The following PCDH7 variants were observed in gnomAD, a reference collection of about 807,000 sequenced individuals.
PCDH7 encodes protocadherin 7.
A neutral mutation model predicts 58.9 loss-of-function variants in PCDH7; 17 were observed. The observed-to-expected ratio is 0.29, with a 90% confidence interval of 0.20 to 0.43. The LOEUF (loss-of-function observed/expected upper bound fraction) is 0.43, where lower values mean the gene tolerates loss of function less well. Ranked by LOEUF, PCDH7 falls within the 20% of genes least tolerant of loss-of-function variation. The pLI is 1.00. For missense variants in PCDH7, 1,274 were observed against 1,441.0 expected (o/e 0.88, Z 1.88); for synonymous variants, 664 against 616.4 (o/e 1.08, Z -1.14).
At chr4:30,988,387 TTAGTTA>T (rs1220841610) in intron 3 of PCDH7, among the ~76,000 whole-genome samples, 4 of 152,210 alleles carry the variant, frequency 2.6e-5, no homozygotes, top group Non-Finnish European at 4.4e-5. Context: ...CTACATACTC[TTAGTTA>T]TAAACAGTTG....
chr4:30,867,302 A>C (rs73214917), intron 1 of PCDH7, among the ~76,000 whole-genome samples: 13,362 of 152,164 alleles, frequency 0.088, 745 homozygotes, highest in Non-Finnish European at 0.12. Flanking sequence ...GGTCCGTCTT[A>C]GTATTTCCCA....
At chr4:30,856,147 T>A (rs1402406504) in intron 1 of PCDH7, among the ~76,000 whole-genome samples, 3 of 151,916 alleles carry the variant, frequency 2.0e-5, no homozygotes, top group Non-Finnish European at 4.4e-5. Flanking sequence ...ATTTAGTTCA[T>A]CTGAGAGGAT....
At chr4:31,056,430 A>AGG (rs1560608355) in intron 3 of PCDH7, among the ~76,000 whole-genome samples, 4 of 98,776 alleles carry the variant, frequency 4.0e-5, no homozygotes, top group African/African-American at 1.7e-4. Flanking sequence ...GAAGGAAAGA[A>AGG]AAAGAAAGAA....
chr4:30,769,428 A>G (rs575223738), intron 1 of PCDH7, among the ~76,000 whole-genome samples: 3 of 152,304 alleles, frequency 2.0e-5, no homozygotes, highest in East Asian at 1.9e-4. Flanking sequence ...CTTGCCTGGC[A>G]TGCATATATT....
chr4:31,052,698 TG>T (rs1248439451), intron 3 of PCDH7, among the ~76,000 whole-genome samples: 6 of 152,160 alleles, frequency 3.9e-5, no homozygotes. Flanking sequence ...AAAGGAGCTT[TG>T]TTTCTGACAC....
intron 1 of PCDH7, among the ~76,000 whole-genome samples, chr4:30,829,065 A>G (rs796983583): frequency 9.4e-4 from 143 of 152,138 alleles, no homozygotes; most frequent in African/African-American, 3.2e-3. Context: ...ATACATGTGC[A>G]GATACACATG....
At chr4:30,776,962 A>G (rs1458485678) in intron 1 of PCDH7, among the ~76,000 whole-genome samples, 2 of 152,210 alleles carry the variant, frequency 1.3e-5, no homozygotes, top group African/African-American at 4.8e-5. Context: ...TAAAAATCCC[A>G]GTAATATTCC....
At chr4:30,910,859 G>T (rs573262436) in intron 1 of PCDH7, among the ~76,000 whole-genome samples, 1 of 152,056 alleles carries the variant, frequency 6.6e-6, no homozygotes, top group Non-Finnish European at 1.5e-5. Context: ...ACATGCACAC[G>T]TATGTTTACT....
intron 1 of PCDH7, among the ~76,000 whole-genome samples, chr4:30,899,249 T>C (rs939027483): frequency 1.3e-5 from 2 of 152,184 alleles, no homozygotes; most frequent in South Asian, 4.1e-4. Flanking sequence ...CCTGCTCACA[T>C]TGAATATACC....
intron 1 of PCDH7, among the ~76,000 whole-genome samples, chr4:30,742,129 A>G (rs1717162147): frequency 1.3e-5 from 2 of 152,300 alleles, no homozygotes; most frequent in Admixed American, 1.3e-4. Flanking sequence ...ATAAAATTGT[A>G]TGTTTATCAG....
intron 3 of PCDH7, among the ~76,000 whole-genome samples, chr4:31,085,793 A>C (rs1226458648): frequency 6.6e-6 from 1 of 152,082 alleles, no homozygotes; most frequent in Non-Finnish European, 1.5e-5. Context: ...TTCATTATAA[A>C]GTCAAAAATA....
At chr4:31,120,453 T>TTTTTTTTTTTTTTTTTTTTTTTTTTTTC in intron 3 of PCDH7, among the ~76,000 whole-genome samples, 1 of 150,404 alleles carries the variant, frequency 6.6e-6, no homozygotes, top group Non-Finnish European at 1.5e-5. Context: ...TTTTTTTTTT[T>TTTTTTTTTTTTTTTTTTTTTTTTTTTTC]TTTTGGTCAA....
At chr4:30,778,785 TTAAA>T (rs1275067918) in intron 1 of PCDH7, among the ~76,000 whole-genome samples, 1 of 152,144 alleles carries the variant, frequency 6.6e-6, no homozygotes, top group Non-Finnish European at 1.5e-5. Context: ...TAGTCTTTGT[TTAAA>T]TAATCTCATC....
rs551045628 is a variant in PCDH7, at chr4:30,757,642, C to T, written c.70+33046C>T. Among the ~76,000 whole-genome samples the T allele has an allele frequency of 4.2e-4, 64 of 152,300 alleles. 3 individuals carry two copies. Among genetic ancestry groups the T allele is most frequent in the African/African-American group, 1.4e-3 (59 of 41,574 alleles). On this transcript the variant is annotated intron_variant, in intron 1 of 3. Transcript: ENST00000509759. ...CTCAGCTCAAATGTCACTTCCTATGCAATGCTTTCCCTGCCTCCCACGCCA... is the reference window on the plus strand; with the variant it reads ...CTCAGCTCAAATGTCACTTCCTATGTAATGCTTTCCCTGCCTCCCACGCCA...
At chr4:30,980,050 A>G (rs1310810475) in intron 3 of PCDH7, among the ~76,000 whole-genome samples, 3 of 152,166 alleles carry the variant, frequency 2.0e-5, no homozygotes, top group Non-Finnish European at 2.9e-5. Flanking sequence ...CCTTTGTTAT[A>G]CTGTTAGACT....
intron 1 of PCDH7, among the ~76,000 whole-genome samples, chr4:30,798,104 C>G (rs2109304074): frequency 6.6e-6 from 1 of 152,250 alleles, no homozygotes; most frequent in Non-Finnish European, 1.5e-5. Flanking sequence ...TAGTGGAGGA[C>G]AAGTTGGTGT....
chr4:30,749,746 G>A (rs573331732), intron 1 of PCDH7, among the ~76,000 whole-genome samples: 46 of 152,172 alleles, frequency 3.0e-4, no homozygotes, highest in Non-Finnish European at 5.7e-4. Flanking sequence ...GATAAAACAC[G>A]GGCATTTAGG....
At chr4:30,942,710 C>A (rs1477932786) in intron 2 of PCDH7, among the ~76,000 whole-genome samples, 1 of 151,958 alleles carries the variant, frequency 6.6e-6, no homozygotes, top group Non-Finnish European at 1.5e-5. Flanking sequence ...ATCACAATTG[C>A]AAATTTGAAT....
At chr4:31,071,009 C>A (rs755211265) in intron 3 of PCDH7, among the ~76,000 whole-genome samples, 25 of 152,036 alleles carry the variant, frequency 1.6e-4, no homozygotes, top group Non-Finnish European at 2.2e-4. Flanking sequence ...CTCTAGGATG[C>A]CTTTCCCTTG....
Sources: gnomAD v4.1 joint callset for allele counts (sites outside exome capture counted in the v4.1 genomes callset) on GRCh38, gnomAD v4.1.1 for gene constraint, MANE v1.5 for transcripts, NCBI Gene and HGNC (gene_info 2026-07-23, HGNC 2026-07-21) for gene names.